The following MYO5A variants were observed in gnomAD, a reference collection of about 807,000 sequenced individuals.
MYO5A encodes the protein unconventional myosin-Va.
In MYO5A, 98 loss-of-function variants were observed where a neutral mutation model predicts 249.7. The observed-to-expected ratio is 0.39, with a 90% CI of 0.33 to 0.46. MYO5A has a LOEUF of 0.46. Among genes scored for constraint, MYO5A ranks in the 20% least tolerant of loss-of-function variants. The pLI is 0.98. For synonymous variants in MYO5A, 778 were observed against 810.6 expected (o/e 0.96, Z 0.68); for missense variants, 1,696 against 2,308.8 (o/e 0.73, Z 5.44).
chr15:52,429,375 A>G (rs1253494067), intron 2 of MYO5A, among the ~76,000 whole-genome samples: 7 of 151,098 alleles, frequency 4.6e-5, no homozygotes, highest in Non-Finnish European at 8.9e-5. Flanking sequence ...CCAACATGGC[A>G]AGACTCCGTC....
At chr15:52,428,328 C>T in intron 3 of MYO5A, 70 bp downstream of exon 3, 1 of 1,486,036 alleles carries the variant, frequency 6.7e-7, no homozygotes, top group Non-Finnish European at 9.4e-7. Context: ...TCCCCATGTA[C>T]AATATTTCTA....
chr15:52,344,778 C>T (rs2039539585), intron 30 of MYO5A, among the ~76,000 whole-genome samples: 1 of 152,188 alleles, frequency 6.6e-6, no homozygotes, highest in Non-Finnish European at 1.5e-5. Flanking sequence ...AGCTGTCTCC[C>T]CAGCAGCCTA....
At chr15:52,470,886 G>A (rs914591865) in intron 1 of MYO5A, among the ~76,000 whole-genome samples, 1 of 151,978 alleles carries the variant, frequency 6.6e-6, no homozygotes, top group Non-Finnish European at 1.5e-5. Flanking sequence ...AGCCGGGCAT[G>A]GTGACAGGCG....
At chr15:52,430,261 C>T (rs1045775296) in intron 2 of MYO5A, among the ~76,000 whole-genome samples, 33 of 152,112 alleles carry the variant, frequency 2.2e-4, no homozygotes, top group African/African-American at 8.0e-4. Context: ...CTGGTATTAG[C>T]CAGGAGACTC....
intron 4 of MYO5A, among the ~76,000 whole-genome samples, chr15:52,424,428 C>T (rs2075352076): frequency 6.6e-6 from 1 of 152,084 alleles, no homozygotes; most frequent in Non-Finnish European, 1.5e-5. Context: ...ATTAATAATA[C>T]CAAACTCAGA....
At chr15:52,401,721 T>C (rs1463738024) in intron 9 of MYO5A, among the ~76,000 whole-genome samples, 1 of 152,242 alleles carries the variant, frequency 6.6e-6, no homozygotes, top group Non-Finnish European at 1.5e-5. Flanking sequence ...TTTTTAGTAA[T>C]GATCTCTTGG....
At chr15:52,335,889 A>C (rs2039095660) in intron 34 of MYO5A, among the ~76,000 whole-genome samples, 1 of 152,224 alleles carries the variant, frequency 6.6e-6, no homozygotes, top group Non-Finnish European at 1.5e-5. Flanking sequence ...AAGTCGCATG[A>C]AGCATTTTTA....
At chr15:52,451,408 C>A (rs1467397178) in intron 1 of MYO5A, among the ~76,000 whole-genome samples, 1 of 152,204 alleles carries the variant, frequency 6.6e-6, no homozygotes, top group Non-Finnish European at 1.5e-5. Context: ...ACTCTCTATT[C>A]AGCAGCCAGA....
At position 52,346,388 on chromosome 15, in the gene MYO5A, G is replaced by C; in HGVS notation, c.3932C>G (p.Ala1311Gly). The part of the protein sequence containing the change: ...KMKDKGEIAQ[A>G]YIGLKETNRS... The stretch of plus-strand genomic sequence containing the variant: ...ATTTGTTTCTTTCAAACCAATGTAT[G>C]CTTGTGCTATTTCACCTTTATCTTT... Residue 1311 changes from alanine to glycine, a missense_variant, in exon 30 of 42, where the codon GCA (alanine) becomes GGA (glycine). By Grantham distance (60) the Ala-to-Gly change is moderately conservative (BLOSUM62 0). This residue lies in a region of MYO5A where 625 missense variants were observed against 908.1 expected (regional missense o/e 0.69). Transcript: ENST00000399233. The C allele has an allele frequency of 6.2e-7, 1 of 1,602,964 alleles. No homozygotes were observed. Among genetic ancestry groups the C allele is most frequent in the Non-Finnish European group, 8.5e-7 (1 of 1,170,440 alleles).
chr15:52,450,376 T>C (rs1464042595), intron 1 of MYO5A, among the ~76,000 whole-genome samples: 1 of 150,914 alleles, frequency 6.6e-6, no homozygotes, highest in Non-Finnish European at 1.5e-5. Flanking sequence ...AAAAAAAAAT[T>C]AGAGATGGGG....
intron 2 of MYO5A, among the ~76,000 whole-genome samples, chr15:52,431,915 C>T (rs1420818891): frequency 6.6e-6 from 1 of 151,896 alleles, no homozygotes; most frequent in African/African-American, 2.4e-5. Context: ...CATGATCAAG[C>T]CACTGCACTC....
Position 52,321,298 on chromosome 15 carries a change from T to C in MYO5A, c.4951+61A>G, listed in dbSNP as rs2038298547. 33 of 1,603,714 alleles carry C rather than the reference T, an allele frequency of 2.1e-5. 1 individual carries two copies. In the South Asian group the frequency reaches 3.4e-4, roughly 17 times the overall value. On this transcript the variant is annotated intron_variant, in intron 38 of 41. Coordinates refer to ENST00000399233, the MANE Select transcript of MYO5A (RefSeq NM_001382347.1). ...CCCTGAAACATGTGCCACTGGTGGC[T>C]ACTTATCGATGGGCATGAATGATAG...
At chr15:52,370,443 T>C in intron 21 of MYO5A, 26 bp from the exon 22 acceptor site, 1 of 1,587,330 alleles carries the variant, frequency 6.3e-7, no homozygotes. Flanking sequence ...TAAGTAACAA[T>C]AAGTAAATAC....
intron 1 of MYO5A, among the ~76,000 whole-genome samples, chr15:52,484,964 C>T (rs888909104): frequency 2.6e-5 from 4 of 152,092 alleles, no homozygotes; most frequent in Non-Finnish European, 5.9e-5. Flanking sequence ...ACAGGTGATC[C>T]GCCCGCCCTG....
At chr15:52,335,804 GTTCT>G (rs2039092951) in intron 34 of MYO5A, among the ~76,000 whole-genome samples, 1 of 151,804 alleles carries the variant, frequency 6.6e-6, no homozygotes, top group Admixed American at 6.6e-5. Flanking sequence ...TAGACTGTAA[GTTCT>G]TTGAGGACAG....
chr15:52,413,735 C>A (rs946688022), intron 5 of MYO5A, among the ~76,000 whole-genome samples: 1 of 152,146 alleles, frequency 6.6e-6, no homozygotes, highest in Non-Finnish European at 1.5e-5. Context: ...AATTGAGATG[C>A]CCTTTTTTGT....
chr15:52,420,456 C>A (rs2043733362), intron 4 of MYO5A, among the ~76,000 whole-genome samples: 1 of 152,004 alleles, frequency 6.6e-6, no homozygotes, highest in African/African-American at 2.4e-5. Context: ...GTCTTACATG[C>A]TCTCTTCCCT....
chr15:52,482,389 G>C (rs1176503565), intron 1 of MYO5A, among the ~76,000 whole-genome samples: 1 of 152,210 alleles, frequency 6.6e-6, no homozygotes, highest in Non-Finnish European at 1.5e-5. Context: ...CTGCTGAAGA[G>C]GGAAGAGGAT....
At chr15:52,456,211 A>G (rs931381511) in intron 1 of MYO5A, among the ~76,000 whole-genome samples, 7 of 152,290 alleles carry the variant, frequency 4.6e-5, no homozygotes, top group African/African-American at 1.4e-4. Flanking sequence ...CCCCATTCAC[A>G]ACTGCTACAA....
Sources: allele counts gnomAD v4.1 joint callset (sites outside exome capture counted in the v4.1 genomes callset), GRCh38; gene constraint gnomAD v4.1.1; regional missense constraint gnomAD v4.1.1; transcripts MANE v1.5; gene names NCBI Gene and HGNC (gene_info 2026-07-23, HGNC 2026-07-21).